The following PPP2R2B variants were observed in gnomAD, a reference collection of about 807,000 sequenced individuals.
PPP2R2B encodes serine/threonine-protein phosphatase 2A 55 kDa regulatory subunit B beta isoform.
In PPP2R2B, 5 loss-of-function variants were observed where a neutral mutation model predicts 46.0. The observed-to-expected ratio is 0.11, with a 90% CI of 0.06 to 0.23. The LOEUF is 0.23. PPP2R2B is among the 10% of genes least tolerant of loss of function. The probability of loss-of-function intolerance (pLI) is 1.00; values close to 1 mark genes in which losing one functional copy is unlikely to be tolerated. For missense variants in PPP2R2B, 367 were observed against 575.0 expected, an observed-to-expected ratio of 0.64 and a Z score of 3.70; for synonymous variants, 215 against 206.7, an observed-to-expected ratio of 1.04 and a Z score of -0.34.
intron 2 of PPP2R2B, among the ~76,000 whole-genome samples, chr5:146,825,241 A>T (rs1038856219): frequency 6.6e-6 from 1 of 152,180 alleles, no homozygotes; most frequent in African/African-American, 2.4e-5. Flanking sequence ...TGAGCTGTCC[A>T]TGGTGCTGGG....
intron 7 of PPP2R2B, among the ~76,000 whole-genome samples, chr5:146,628,947 CTTGAT>C (rs1164685356): frequency 6.6e-6 from 1 of 152,190 alleles, no homozygotes; most frequent in Non-Finnish European, 1.5e-5. Context: ...GTAGCTCATA[CTTGAT>C]CATCTGTAAA....
At chr5:147,069,512 A>T (rs887559748) in intron 2 of PPP2R2B, among the ~76,000 whole-genome samples, 4 of 151,906 alleles carry the variant, frequency 2.6e-5, no homozygotes, top group Admixed American at 2.6e-4. Context: ...TCCCTCCACA[A>T]CTTCAACATA....
intron 2 of PPP2R2B, among the ~76,000 whole-genome samples, chr5:146,785,353 C>G (rs1755770060): frequency 6.6e-6 from 1 of 152,058 alleles, no homozygotes; most frequent in Non-Finnish European, 1.5e-5. Flanking sequence ...TCAAGACCAG[C>G]TTGGGCAACA....
intron 2 of PPP2R2B, among the ~76,000 whole-genome samples, chr5:146,773,527 C>T (rs1754995897): frequency 6.6e-6 from 1 of 152,146 alleles, no homozygotes; most frequent in African/African-American, 2.4e-5. Context: ...ATTGTATTAG[C>T]ACATGCACAA....
chr5:146,819,692 T>C (rs1758143397), intron 2 of PPP2R2B, among the ~76,000 whole-genome samples: 1 of 152,162 alleles, frequency 6.6e-6, no homozygotes, highest in Non-Finnish European at 1.5e-5. Context: ...GAGATACCCT[T>C]AAAAACATGC....
chr5:146,713,530 T>C (rs1403142094), intron 2 of PPP2R2B, among the ~76,000 whole-genome samples: 1 of 152,136 alleles, frequency 6.6e-6, no homozygotes, highest in East Asian at 1.9e-4. Context: ...AGTGACTGCT[T>C]TTACAAGACT....
rs79478174 is a variant in PPP2R2B at position 146,633,498 on chromosome 5, C to T, written c.790+4753G>A. Among the ~76,000 whole-genome samples the T allele has an allele frequency of 4.3e-3, 655 of 152,300 alleles. 1 individual carries two copies. The highest frequency in any genetic ancestry group is 6.8e-3 in the Admixed American group (104 of 15,296). On this transcript the variant is annotated intron_variant, in intron 7 of 9. Coordinates refer to ENST00000394411, the MANE Select transcript of PPP2R2B (RefSeq NM_181675.4). ...GCTGGCAGGAGCTGGGGCTCGTAGC[C>T]GCAGCAGCTGAACAAAGGGAGATGT...
intron 2 of PPP2R2B, among the ~76,000 whole-genome samples, chr5:146,842,926 C>T (rs1418527073): frequency 1.8e-4 from 27 of 152,332 alleles, no homozygotes; most frequent in Admixed American, 1.2e-3. Flanking sequence ...CGGTGGCTCA[C>T]GCCTGTAATC....
chr5:146,780,107 T>A (rs1251158952), intron 2 of PPP2R2B, among the ~76,000 whole-genome samples: 1 of 152,206 alleles, frequency 6.6e-6, no homozygotes, highest in Non-Finnish European at 1.5e-5. Context: ...TCTCTTTGTA[T>A]GTGACTACAA....
intron 2 of PPP2R2B, among the ~76,000 whole-genome samples, chr5:146,872,541 C>A (rs1320458635): frequency 3.3e-5 from 5 of 152,160 alleles, no homozygotes; most frequent in African/African-American, 1.2e-4. Flanking sequence ...ACCTTCCCAG[C>A]TTTATTCATT....
At chr5:146,944,921 C>A (rs1582473749) in intron 1 of PPP2R2B, among the ~76,000 whole-genome samples, 1 of 152,192 alleles carries the variant, frequency 6.6e-6, no homozygotes, top group East Asian at 1.9e-4. Flanking sequence ...GTGATTAGAT[C>A]AGCTTCTGTT....
intron 1 of PPP2R2B, among the ~76,000 whole-genome samples, chr5:146,955,315 A>G (rs553575274): frequency 6.6e-6 from 1 of 152,310 alleles, no homozygotes; most frequent in Admixed American, 6.5e-5. Context: ...TAAATTATAA[A>G]TATTGATTCA....
chr5:147,025,275 A>T (rs1467919103), intron 1 of PPP2R2B, among the ~76,000 whole-genome samples: 1 of 152,044 alleles, frequency 6.6e-6, no homozygotes, highest in Non-Finnish European at 1.5e-5. Flanking sequence ...CACATTTTTA[A>T]TAATAAAAAA....
At chr5:146,670,227 A>C (rs2151119771) in intron 5 of PPP2R2B, among the ~76,000 whole-genome samples, 1 of 152,302 alleles carries the variant, frequency 6.6e-6, no homozygotes, top group Non-Finnish European at 1.5e-5. Context: ...ATTTAAAAAC[A>C]AAATCAGATT....
chr5:146,995,027 T>C (rs1330000085), intron 1 of PPP2R2B, among the ~76,000 whole-genome samples: 1 of 152,124 alleles, frequency 6.6e-6, no homozygotes, highest in Non-Finnish European at 1.5e-5. Flanking sequence ...GAGGCAGTGG[T>C]ATGTTAGTGA....
At chr5:147,024,734 G>A (rs1195280483) in intron 1 of PPP2R2B, among the ~76,000 whole-genome samples, 2 of 152,050 alleles carry the variant, frequency 1.3e-5, no homozygotes, top group African/African-American at 2.4e-5. Context: ...GCTCAAAAAT[G>A]TCAGAAGAGA....
chr5:146,993,603 A>G (rs951021841), intron 1 of PPP2R2B, among the ~76,000 whole-genome samples: 1 of 152,182 alleles, frequency 6.6e-6, no homozygotes, highest in Non-Finnish European at 1.5e-5. Context: ...GTTTGACTCT[A>G]TACATTGCTA....
At chr5:147,027,319 G>A (rs1032651874) in intron 1 of PPP2R2B, among the ~76,000 whole-genome samples, 1 of 150,706 alleles carries the variant, frequency 6.6e-6, no homozygotes, top group Non-Finnish European at 1.5e-5. Context: ...TTAATTTTAT[G>A]TTGTATGGAT....
intron 2 of PPP2R2B, among the ~76,000 whole-genome samples, chr5:146,704,626 A>C (rs1289158430): frequency 6.6e-6 from 1 of 152,212 alleles, no homozygotes; most frequent in East Asian, 1.9e-4. Context: ...GGTAGTGTGA[A>C]GTTTGCCTTG....
Sources: allele counts gnomAD v4.1 joint callset (sites outside exome capture counted in the v4.1 genomes callset), GRCh38; gene constraint gnomAD v4.1.1; transcripts MANE v1.5; gene names NCBI Gene and HGNC (gene_info 2026-07-23, HGNC 2026-07-21).